Variants in FMNL2 observed in about 807,000 individuals in gnomAD.
FMNL2 encodes formin like 2.
Under a neutral mutation model 130.2 loss-of-function variants are expected in FMNL2, and 51 were observed. The observed-to-expected ratio is 0.39, with a 90% CI of 0.31 to 0.49. FMNL2 has a LOEUF of 0.49. FMNL2 is among the 20% of genes least tolerant of loss of function. FMNL2 has a pLI of 0.85. For synonymous variants in FMNL2, 465 were observed against 467.1 expected, an observed-to-expected ratio of 1.00 and a Z score of 0.06; for missense variants, 977 against 1,316.2, an observed-to-expected ratio of 0.74 and a Z score of 3.99.
At chr2:152,448,291 A>T (rs1178404585) in intron 1 of FMNL2, among the ~76,000 whole-genome samples, 2 of 152,010 alleles carry the variant, frequency 1.3e-5, no homozygotes, top group African/African-American at 2.4e-5. Context: ...GCTTAATTTT[A>T]AATTTTTGGA....
At chr2:152,427,719 T>C (rs150611842) in intron 1 of FMNL2, among the ~76,000 whole-genome samples, 217 of 152,298 alleles carry the variant, frequency 1.4e-3, no homozygotes, top group African/African-American at 5.1e-3. Context: ...CTCCTCTTCA[T>C]GTAAATTCTA....
intron 1 of FMNL2, among the ~76,000 whole-genome samples, chr2:152,383,320 A>G (rs1356659709): frequency 1.8e-5 from 2 of 111,674 alleles, no homozygotes; most frequent in Non-Finnish European, 3.5e-5. Flanking sequence ...ATAGTGTATT[A>G]GGCTCTAACT....
intron 9 of FMNL2, among the ~76,000 whole-genome samples, chr2:152,595,117 C>T (rs1697690656): frequency 6.6e-6 from 1 of 152,118 alleles, no homozygotes; most frequent in African/African-American, 2.4e-5. Flanking sequence ...ACTAGCAACA[C>T]ATGTGATATC....
intron 1 of FMNL2, among the ~76,000 whole-genome samples, chr2:152,481,213 T>C (rs1043964970): frequency 6.6e-6 from 1 of 152,240 alleles, no homozygotes; most frequent in Non-Finnish European, 1.5e-5. Flanking sequence ...GAGTTTGAGA[T>C]AAAACATGTC....
chr2:152,516,318 A>T lies in FMNL2; in HGVS notation c.118-5625A>T, dbSNP rs376408449. ...TTATGTTTTCTACCATAACTGAAAAATTTTTTAAAGTAATGACTCCTTCTT... is the reference window on the plus strand; with the variant it reads ...TTATGTTTTCTACCATAACTGAAAATTTTTTTAAAGTAATGACTCCTTCTT... On this transcript the variant is annotated intron_variant, in intron 1 of 25. Transcript: ENST00000288670. Among the ~76,000 whole-genome samples, 28 of 152,262 alleles carry T rather than the reference A, an allele frequency of 1.8e-4. 1 individual carries two copies. The highest frequency in any genetic ancestry group is 3.9e-4 in the African/African-American group (16 of 41,552).
chr2:152,628,762 C>T (rs150655548), intron 18 of FMNL2, among the ~76,000 whole-genome samples: 1,928 of 152,182 alleles, frequency 0.013, 46 homozygotes, highest in African/African-American at 0.043. Flanking sequence ...CGAAAGAATG[C>T]CATTTTTTGT....
rs1171551367 is a variant in FMNL2, at chr2:152,478,248, ATATTT to A, written c.118-43693_118-43689del. Among the ~76,000 whole-genome samples the A allele has an allele frequency of 7.3e-3, 555 of 75,700 alleles. 5 individuals carry two copies. The highest frequency in any genetic ancestry group is 0.021 in the African/African-American group (494 of 23,014). 49.7% of individuals were successfully genotyped at this position (75,700 alleles called of 152,430 possible). A position where few individuals can be genotyped will look rare whatever the true frequency, so the allele number is the denominator to read the frequency against. On this transcript the variant is annotated intron_variant, in intron 1 of 25. Transcript: ENST00000288670. ...TATATACATATATATATATATATAT[ATATTT>A]TTTTTTTTTTTTTTTGAGACAGAGT... is the stretch of plus-strand genomic sequence containing the variant.
At chr2:152,512,566 CCATAAA>C (rs1453805671) in intron 1 of FMNL2, among the ~76,000 whole-genome samples, 1 of 152,110 alleles carries the variant, frequency 6.6e-6, no homozygotes, top group African/African-American at 2.4e-5. Context: ...TAAATAAATA[CCATAAA>C]CATAAATATG....
chr2:152,519,207 C>A (rs1455729116), intron 1 of FMNL2, among the ~76,000 whole-genome samples: 1 of 152,108 alleles, frequency 6.6e-6, no homozygotes, highest in African/African-American at 2.4e-5. Flanking sequence ...ACTGTCTAAT[C>A]TAAGACTACC....
chr2:152,416,624 A>G (rs1182744431), intron 1 of FMNL2, among the ~76,000 whole-genome samples: 1 of 152,208 alleles, frequency 6.6e-6, no homozygotes, highest in Non-Finnish European at 1.5e-5. Context: ...ATCACAGTTG[A>G]AAGTGCCTGA....
At chr2:152,472,000 C>T (rs1268585321) in intron 1 of FMNL2, among the ~76,000 whole-genome samples, 2 of 152,212 alleles carry the variant, frequency 1.3e-5, no homozygotes, top group Non-Finnish European at 2.9e-5. Context: ...CTGATCACAT[C>T]TGCTCTAATC....
chr2:152,371,194 A>G (rs1197940663), intron 1 of FMNL2, among the ~76,000 whole-genome samples: 2 of 152,232 alleles, frequency 1.3e-5, no homozygotes, highest in Non-Finnish European at 2.9e-5. Context: ...TATTCTGCTG[A>G]TAACACAAGT....
intron 4 of FMNL2, among the ~76,000 whole-genome samples, chr2:152,551,014 T>C (rs1694908163): frequency 6.6e-6 from 1 of 151,784 alleles, no homozygotes; most frequent in Admixed American, 6.6e-5. Flanking sequence ...TGGTGCGTGC[T>C]TGTAGTCCCA....
intron 1 of FMNL2, among the ~76,000 whole-genome samples, chr2:152,512,364 C>T (rs919586441): frequency 8.6e-5 from 13 of 152,040 alleles, no homozygotes; most frequent in African/African-American, 2.4e-4. Flanking sequence ...GGCACTTTGG[C>T]CAGAGGAGGG....
intron 13 of FMNL2, 32 bp from the exon 14 acceptor site, chr2:152,618,814 A>G (rs1262394442): frequency 1.3e-6 from 2 of 1,530,894 alleles, no homozygotes; most frequent in East Asian, 2.3e-5. Context: ...TGTTATGTGA[A>G]GATAAACTCT....
intron 24 of FMNL2, 137 bp downstream of exon 24, chr2:152,640,193 CA>C (rs963502644): frequency 6.1e-6 from 4 of 659,790 alleles, no homozygotes; most frequent in Non-Finnish European, 7.6e-6. Flanking sequence ...GGACACTTGG[CA>C]AATGGAAATA....
intron 22 of FMNL2, among the ~76,000 whole-genome samples, chr2:152,637,268 T>A (rs1295389451): frequency 6.6e-6 from 1 of 152,192 alleles, no homozygotes; most frequent in African/African-American, 2.4e-5. Context: ...TAAGAAAGAT[T>A]TCCTTGTTTT....
At chr2:152,525,398 A>G (rs1283978519) in intron 2 of FMNL2, among the ~76,000 whole-genome samples, 1 of 152,080 alleles carries the variant, frequency 6.6e-6, no homozygotes, top group African/African-American at 2.4e-5. Flanking sequence ...CATATAATCC[A>G]GTCCAGAAGC....
At chr2:152,365,345 A>G (rs926147290) in intron 1 of FMNL2, among the ~76,000 whole-genome samples, 3 of 152,160 alleles carry the variant, frequency 2.0e-5, no homozygotes, top group African/African-American at 7.2e-5. Flanking sequence ...GACTGCATAT[A>G]GTTGCTATGG....
Sources: gnomAD v4.1 joint callset for allele counts (sites outside exome capture counted in the v4.1 genomes callset) on GRCh38, gnomAD v4.1.1 for gene constraint, MANE v1.5 for transcripts, NCBI Gene and HGNC (gene_info 2026-07-23, HGNC 2026-07-21) for gene names.